The following SORBS2 variants were observed in gnomAD, a reference collection of about 807,000 sequenced individuals.
SORBS2 encodes sorbin and SH3 domain containing 2, also known as sorbin and SH3 domain-containing protein 2.
In SORBS2, 46 loss-of-function variants were observed where a neutral mutation model predicts 97.7. That is an observed-to-expected ratio of 0.47 (90% confidence interval 0.37 to 0.60). SORBS2 has a LOEUF of 0.60. Ranked by LOEUF, SORBS2 falls within the 20% of genes least tolerant of loss-of-function variation. The pLI, the probability that SORBS2 is intolerant of heterozygous loss-of-function variation, is 0.00. For missense variants in SORBS2, 1,316 were observed against 1,282.3 expected (o/e 1.03, Z -0.40); for synonymous variants, 476 against 473.4 (o/e 1.01, Z -0.07).
intron 1 of SORBS2, among the ~76,000 whole-genome samples, chr4:185,924,910 C>T (rs564990987): frequency 9.2e-5 from 14 of 152,258 alleles, no homozygotes; most frequent in African/African-American, 2.9e-4. Context: ...TTAATCCTAT[C>T]GGCGTGAGAC....
intron 1 of SORBS2, among the ~76,000 whole-genome samples, chr4:185,901,532 T>G (rs2099247785): frequency 6.6e-6 from 1 of 152,156 alleles, no homozygotes; most frequent in Non-Finnish European, 1.5e-5. Context: ...TAAAATAAAC[T>G]TATGGCAGAA....
At chr4:185,655,255 T>C (rs2097379334) in intron 1 of SORBS2, among the ~76,000 whole-genome samples, 1 of 152,236 alleles carries the variant, frequency 6.6e-6, no homozygotes, top group Non-Finnish European at 1.5e-5. Context: ...TACAAAATTC[T>C]GTTTCCTCGG....
At chr4:185,624,946 T>A (rs563230789) in intron 6 of SORBS2, among the ~76,000 whole-genome samples, 1 of 152,358 alleles carries the variant, frequency 6.6e-6, no homozygotes, top group South Asian at 2.1e-4. Context: ...TGATTCGTAA[T>A]GATACATAGG....
intron 1 of SORBS2, among the ~76,000 whole-genome samples, chr4:185,854,510 C>T (rs921040609): frequency 2.0e-5 from 3 of 152,160 alleles, no homozygotes; most frequent in Admixed American, 2.0e-4. Flanking sequence ...ATATTCTTAG[C>T]ATTGAATACT....
intron 1 of SORBS2, among the ~76,000 whole-genome samples, chr4:185,654,654 C>T (rs530672223): frequency 6.6e-6 from 1 of 152,182 alleles, no homozygotes; most frequent in South Asian, 2.1e-4. Flanking sequence ...AAGAAGTACT[C>T]TAAGCATTTA....
chr4:185,861,462 G>C (rs780475540), intron 1 of SORBS2, among the ~76,000 whole-genome samples: 1 of 152,098 alleles, frequency 6.6e-6, no homozygotes, highest in Non-Finnish European at 1.5e-5. Flanking sequence ...GGGAGGACAG[G>C]AAGGATTCAA....
At chr4:185,632,614 T>A (rs1219703634) in intron 4 of SORBS2, among the ~76,000 whole-genome samples, 1 of 152,220 alleles carries the variant, frequency 6.6e-6, no homozygotes, top group Non-Finnish European at 1.5e-5. Flanking sequence ...TCTGTGCAGA[T>A]CACGGCTTTC....
intron 2 of SORBS2, among the ~76,000 whole-genome samples, chr4:185,726,866 G>A (rs1183596184): frequency 6.6e-6 from 1 of 152,160 alleles, no homozygotes; most frequent in Non-Finnish European, 1.5e-5. Context: ...TCCGGGAGGA[G>A]GGTCTGTTTT....
At chr4:185,626,533 T>C (rs1425849389) in intron 6 of SORBS2, among the ~76,000 whole-genome samples, 1 of 152,248 alleles carries the variant, frequency 6.6e-6, no homozygotes, top group Non-Finnish European at 1.5e-5. Context: ...GTTTACAAAA[T>C]ACATCTTTTA....
chr4:185,589,855 T>C (rs2153354366), intron 13 of SORBS2, 70 bp from the exon 26 acceptor site: 1 of 886,176 alleles, frequency 1.1e-6, no homozygotes, highest in Non-Finnish European at 1.9e-6. Context: ...GATAGAACAA[T>C]ATTCATTCTT....
At chr4:185,896,127 C>T (rs2149815301) in intron 1 of SORBS2, among the ~76,000 whole-genome samples, 1 of 152,306 alleles carries the variant, frequency 6.6e-6, no homozygotes, top group Admixed American at 6.5e-5. Flanking sequence ...ATAACAAATA[C>T]TCCAGTGGAT....
At position 185,901,280 on chromosome 4, in the gene SORBS2, C is replaced by T. The variant is rs1234055873; in HGVS notation, c.-338+54916G>A. Among the ~76,000 whole-genome samples the T allele has an allele frequency of 2.0e-5, 3 of 151,894 alleles. No homozygotes were observed. In the South Asian group the frequency reaches 6.2e-4, roughly 32 times the overall value. On this transcript the variant is annotated intron_variant, in intron 1 of 20. Transcript: ENST00000284776. ...GTGCAATGGCACAATCTCGGCTCAC[C>T]GAAACCTCTACCTCCTGGGTTCAAG... is the stretch of plus-strand genomic sequence containing the variant.
chr4:185,931,281 A>G (rs1263808808), intron 1 of SORBS2, among the ~76,000 whole-genome samples: 1 of 152,232 alleles, frequency 6.6e-6, no homozygotes, highest in East Asian at 1.9e-4. Context: ...TGATTTCAGG[A>G]GCCAAGGAGA....
chr4:185,801,519 T>C (rs2099130254), intron 1 of SORBS2, among the ~76,000 whole-genome samples: 1 of 152,250 alleles, frequency 6.6e-6, no homozygotes, highest in Non-Finnish European at 1.5e-5. Flanking sequence ...TCCTAACAGG[T>C]GTGAGGTGGT....
Position 185,852,416 on chromosome 4 carries a change from T to A in SORBS2, c.-337-77050A>T, listed in dbSNP as rs545554429. 3.9e-5 allele frequency among the ~76,000 whole-genome samples: 6 copies of A among 152,234 alleles called. No individual in the cohort carries two copies. The South Asian group carries it at 1.2e-3, about 32-fold the overall frequency. Reference sequence around the variant, plus strand: ...CCAGATCATATGCTTCTTCCATAGGTATAGGTAAGGTCACCAACCAAAAAA... The same window carrying A: ...CCAGATCATATGCTTCTTCCATAGGAATAGGTAAGGTCACCAACCAAAAAA... On this transcript the variant is annotated intron_variant, in intron 1 of 20. Transcript: ENST00000284776.
Position 185,666,118 on chromosome 4 carries a change from C to A in SORBS2, c.-45-3876G>T, listed in dbSNP as rs770394175. 1.2e-5 allele frequency: 16 copies of A among 1,289,622 alleles called. No individual in the cohort carries two copies. In the Admixed American group the frequency reaches 1.6e-4, roughly 13 times the overall value. 79.9% of individuals were successfully genotyped at this position (1,289,622 alleles called of 1,614,324 possible). On this transcript the variant is annotated intron_variant, in intron 4 of 20. Coordinates refer to the SORBS2 transcript ENST00000284776. ...GTTCAAAGGTACCACGGAAGGAGGG[C>A]ACGGAGGAGAAGCTTCTGGTGTGGT...
At chr4:185,926,079 C>G (rs914276755) in intron 1 of SORBS2, among the ~76,000 whole-genome samples, 1 of 152,048 alleles carries the variant, frequency 6.6e-6, no homozygotes, top group Non-Finnish European at 1.5e-5. Context: ...GGAGAGTAAG[C>G]TGAAACAGAG....
At chr4:185,624,900 T>C (rs1007050355) in intron 6 of SORBS2, among the ~76,000 whole-genome samples, 17 of 152,222 alleles carry the variant, frequency 1.1e-4, no homozygotes, top group Non-Finnish European at 1.5e-5. Context: ...GTTATACCCT[T>C]ACGCAATTTA....
intron 2 of SORBS2, among the ~76,000 whole-genome samples, chr4:185,746,598 G>A (rs1583998094): frequency 2.0e-5 from 3 of 152,176 alleles, no homozygotes; most frequent in African/African-American, 7.2e-5. Context: ...GATTACAGGT[G>A]TGGGCCACCG....
Sources: gnomAD v4.1 joint callset for allele counts (sites outside exome capture counted in the v4.1 genomes callset) on GRCh38, gnomAD v4.1.1 for gene constraint, MANE v1.5 for transcripts, NCBI Gene and HGNC (gene_info 2026-07-23, HGNC 2026-07-21) for gene names.